Variants in CALU observed in about 807,000 individuals in gnomAD.
The protein encoded by CALU is IEF SSP 9302.
Under a neutral mutation model 37.5 loss-of-function variants are expected in CALU, and 13 were observed. That is an observed-to-expected ratio of 0.35 (90% CI 0.23 to 0.55). The LOEUF (loss-of-function observed/expected upper bound fraction) is 0.55. Ranked by LOEUF, CALU falls within the 20% of genes least tolerant of loss-of-function variation. CALU has a pLI of 0.89. For missense variants in CALU, 282 were observed against 391.7 expected (o/e 0.72, Z 2.36); for synonymous variants, 114 against 133.8 (o/e 0.85, Z 1.02).
chr7:128,770,978 T>TTG lies in CALU; in HGVS notation c.*1813_*1814dup, dbSNP rs965359832. ...GTATAATGTAACTTCACCCCAGCCT[T>TTG]TGTACTAAGCTCTTGATAGTGGATA... On this transcript the variant is annotated 3_prime_UTR_variant, in exon 7 of 7. Transcript: ENST00000249364. 1 of 152,638 alleles carries TTG rather than the reference T, an allele frequency of 6.6e-6. No homozygotes were observed. The highest frequency in any genetic ancestry group is 2.4e-5 in the African/African-American group (1 of 41,460). The allele number at this position is 152,638 out of a possible 1,614,324, so 9.5% of individuals were successfully genotyped here.
intron 2 of CALU, among the ~76,000 whole-genome samples, chr7:128,751,648 G>T (rs1360262303): frequency 6.6e-6 from 1 of 152,124 alleles, no homozygotes; most frequent in Non-Finnish European, 1.5e-5. Flanking sequence ...GATCCCTTCA[G>T]CCGGGAAGGG....
In CALU at chr7:128,741,868, G is replaced by A. The variant is rs1800255304; in HGVS notation, c.-12+2436G>A. Among the ~76,000 whole-genome samples, 4 of 152,136 alleles carry A rather than the reference G, an allele frequency of 2.6e-5. No homozygotes were observed. In the South Asian group the frequency reaches 8.3e-4, roughly 32 times the overall value. The stretch of plus-strand genomic sequence containing the variant: ...TTTCTAGAACTTTTTTCTTTAAAAA[G>A]TTTTTTATTCTGTAGCCAGAAAAAT... On this transcript the variant is annotated intron_variant, in intron 1 of 6. Coordinates refer to ENST00000249364, the MANE Select transcript of CALU (RefSeq NM_001219.5).
intron 2 of CALU, among the ~76,000 whole-genome samples, 172 bp from the exon 3 acceptor site, chr7:128,754,090 A>G (rs933503270): frequency 6.6e-6 from 1 of 152,224 alleles, no homozygotes; most frequent in Non-Finnish European, 1.5e-5. Flanking sequence ...GACCTTATTC[A>G]CGTGGCTTAT....
At chr7:128,760,334 C>T (rs1801060219) in intron 5 of CALU, among the ~76,000 whole-genome samples, 1 of 152,172 alleles carries the variant, frequency 6.6e-6, no homozygotes, top group Non-Finnish European at 1.5e-5. Context: ...TATCCGTAGC[C>T]ACATTGCCCA....
intron 1 of CALU, among the ~76,000 whole-genome samples, chr7:128,745,719 C>T (rs969674163): frequency 1.3e-5 from 2 of 152,194 alleles, no homozygotes; most frequent in Non-Finnish European, 2.9e-5. Flanking sequence ...TCTGTTTACT[C>T]TTTAACTGAT....
intron 1 of CALU, among the ~76,000 whole-genome samples, chr7:128,746,439 T>C (rs1800440956): frequency 6.6e-6 from 1 of 152,094 alleles, no homozygotes; most frequent in Admixed American, 6.6e-5. Flanking sequence ...ATTACAGGCA[T>C]GAGCCACCAT....
chr7:128,747,970 TCAA>T, intron 1 of CALU: 1 of 178,746 alleles, frequency 5.6e-6, no homozygotes, highest in South Asian at 1.5e-4. Flanking sequence ...TGAAGGTGAC[TCAA>T]GGTTGAGCCT....
intron 3 of CALU, chr7:128,754,765 G>A (rs1800808741): frequency 7.6e-7 from 1 of 1,322,070 alleles, no homozygotes; most frequent in African/African-American, 1.5e-5. Flanking sequence ...GTGGTCTTGA[G>A]TCAAAGAAAC....
At chr7:128,760,182 G>C (rs1801051150) in intron 5 of CALU, among the ~76,000 whole-genome samples, 1 of 152,110 alleles carries the variant, frequency 6.6e-6, no homozygotes, top group African/African-American at 2.4e-5. Flanking sequence ...TGGGCAACAA[G>C]AGTGAAACTG....
intron 6 of CALU, among the ~76,000 whole-genome samples, chr7:128,768,567 G>A (rs938834423): frequency 2.7e-4 from 41 of 152,042 alleles, no homozygotes; most frequent in African/African-American, 9.9e-4. Context: ...GGCCTGGCAC[G>A]ATGGCTCACG....
intron 2 of CALU, among the ~76,000 whole-genome samples, chr7:128,751,286 CA>C (rs34162068): frequency 0.43 from 44,485 of 104,352 alleles, 6,342 homozygotes; most frequent in Non-Finnish European, 0.48. Flanking sequence ...GACTCCGTCT[CA>C]AAAAAAAAAA....
chr7:128,763,727 A>G (rs1801213675), intron 5 of CALU, among the ~76,000 whole-genome samples: 2 of 152,150 alleles, frequency 1.3e-5, no homozygotes, highest in South Asian at 4.1e-4. Flanking sequence ...GGCTTTCAGG[A>G]CAGCTAGGGC....
At chr7:128,749,492 C>A (rs1472460601) in intron 2 of CALU, among the ~76,000 whole-genome samples, 2 of 152,078 alleles carry the variant, frequency 1.3e-5, no homozygotes, top group Non-Finnish European at 2.9e-5. Flanking sequence ...TTGGTCCTTC[C>A]AAAGCCTTCC....
rs1043168590 is a variant in CALU at position 128,769,240 on chromosome 7, C to T, written c.*73C>T. The T allele has an allele frequency of 5.3e-5, 43 of 805,848 alleles. No individual in the cohort carries two copies. Among genetic ancestry groups the T allele is most frequent in the Middle Eastern group, 4.6e-4 (2 of 4,340 alleles). The allele number at this position is 805,848 out of a possible 1,614,324, so 49.9% of individuals were successfully genotyped here. A position where few individuals can be genotyped will look rare whatever the true frequency, so the allele number is the denominator to read the frequency against. On this transcript the variant is annotated 3_prime_UTR_variant, in exon 7 of 7. Coordinates refer to ENST00000249364, the MANE Select transcript of CALU (RefSeq NM_001219.5). ...TTCTGGTTTCACATGAAATTGTTTG[C>T]GCTACTGAGACTGTTACTACAAACT...
chr7:128,772,360 G>A lies in CALU; in HGVS notation c.*3193G>A. 1 of 691,378 alleles carries A rather than the reference G, an allele frequency of 1.4e-6. No homozygotes were observed. The highest frequency in any genetic ancestry group is 2.4e-5 in the Admixed American group (1 of 42,262). 42.8% of individuals were successfully genotyped at this position (691,378 alleles called of 1,614,324 possible). On this transcript the variant is annotated 3_prime_UTR_variant, in exon 7 of 7. Transcript: ENST00000249364. ...GGTCTGAAATAGACCAGTGGAAACA[G>A]TAGCTTTGTAGGCAAGAAGGCAATA...
At chr7:128,744,224 G>C (rs556551274) in intron 1 of CALU, among the ~76,000 whole-genome samples, 12 of 152,158 alleles carry the variant, frequency 7.9e-5, no homozygotes, top group African/African-American at 2.9e-4. Flanking sequence ...AAAACGAAGT[G>C]CACTAAAGTA....
intron 1 of CALU, among the ~76,000 whole-genome samples, chr7:128,740,961 C>T (rs536965610): frequency 9.8e-5 from 15 of 152,298 alleles, no homozygotes; most frequent in African/African-American, 3.6e-4. Flanking sequence ...CTTGAACTCC[C>T]ATGCTCAAGC....
At position 128,758,994 on chromosome 7, in the gene CALU, T is replaced by G; in HGVS notation, c.539T>G (p.Leu180Arg). 1 of 1,614,086 alleles carries G rather than the reference T, an allele frequency of 6.2e-7. No homozygotes were observed. Among genetic ancestry groups the G allele is most frequent in the South Asian group, 1.1e-5 (1 of 91,088 alleles). Residue 180 changes from leucine to arginine, a missense_variant, in exon 4 of 7, where the codon CTG (leucine) becomes CGG (arginine). Transcript: ENST00000249364. ...IATKEEFTAF[L>R]HPEEYDYMKD... ...ACCAAGGAGGAGTTCACAGCTTTCCTGCACCCTGAGGAGTATGACTACATG... is the reference window on the plus strand; with the variant it reads ...ACCAAGGAGGAGTTCACAGCTTTCCGGCACCCTGAGGAGTATGACTACATG...
Position 128,739,436 on chromosome 7 carries a change from A to G in CALU, c.-12+4A>G, listed in dbSNP as rs1195078922. 1.3e-5 allele frequency: 2 copies of G among 152,490 alleles called. No homozygotes were observed. The highest frequency in any genetic ancestry group is 4.8e-5 in the African/African-American group (2 of 41,458). The allele number at this position is 152,490 out of a possible 1,614,324, so 9.4% of individuals were successfully genotyped here. On this transcript the variant is annotated splice_donor_region_variant and intron_variant, in intron 1 of 6. Coordinates refer to ENST00000249364, the MANE Select transcript of CALU (RefSeq NM_001219.5). ...GCTGTGGGGGCTACGAGGAAAGGTA[A>G]GTACGGTGATGCCCAGCCCCTTCAC...
Sources: gnomAD v4.1 joint callset for allele counts (sites outside exome capture counted in the v4.1 genomes callset) on GRCh38, gnomAD v4.1.1 for gene constraint, MANE v1.5 for transcripts, NCBI Gene and HGNC (gene_info 2026-07-23, HGNC 2026-07-21) for gene names.